The following TMEM183A variants were observed in gnomAD, a reference collection of about 807,000 sequenced individuals.
The protein encoded by TMEM183A is transmembrane protein 183A, also known as chromosome 1 open reading frame 37.
TMEM183A carries 21 observed loss-of-function variants against 46.7 expected under a neutral mutation model. The ratio of observed to expected loss-of-function variants is 0.45; its 90% CI spans 0.32 to 0.65. TMEM183A has a LOEUF of 0.65. Ranked by LOEUF, TMEM183A falls within the 30% of genes least tolerant of loss-of-function variation. TMEM183A has a pLI of 0.04. For missense variants in TMEM183A, 331 were observed against 481.9 expected (o/e 0.69, Z 2.93); for synonymous variants, 165 against 180.2 (o/e 0.92, Z 0.68).
intron 5 of TMEM183A, among the ~76,000 whole-genome samples, chr1:203,016,605 G>T (rs1464131081): frequency 1.3e-5 from 2 of 152,098 alleles, no homozygotes; most frequent in African/African-American, 4.8e-5. Flanking sequence ...AAGGATTCTG[G>T]TGTAGACTTG....
chr1:203,007,397 G>A lies in TMEM183A; in HGVS notation c.-69G>A, dbSNP rs1032545749. 19 of 1,320,988 alleles carry A rather than the reference G, an allele frequency of 1.4e-5. No homozygotes were observed. Among genetic ancestry groups the A allele is most frequent in the Non-Finnish European group, 1.7e-5 (18 of 1,030,618 alleles). The allele number at this position is 1,320,988 out of a possible 1,614,324, so 81.8% of individuals were successfully genotyped here. On this transcript the variant is annotated 5_prime_UTR_variant, in exon 1 of 8. In the 5' UTR this introduces an upstream ATG that the reference lacks. Transcript: ENST00000367242. ...TTCTCGCGAGAGTTAGCGGCCTCCG[G>A]TGTGGGATGGCCGCGGAGCCGGGCG...
chr1:203,017,842 A>G (rs1657313099), intron 5 of TMEM183A: 1 of 985,970 alleles, frequency 1.0e-6, no homozygotes, highest in Non-Finnish European at 1.2e-6. Context: ...ATTTTGATGG[A>G]ACAGCAGGAC....
intron 5 of TMEM183A, 137 bp downstream of exon 5, chr1:203,016,277 C>A: frequency 7.9e-7 from 1 of 1,263,268 alleles, no homozygotes; most frequent in South Asian, 1.3e-5. Flanking sequence ...AACTTCAGGG[C>A]TCAGAGATTT....
chr1:203,010,615 C>G (rs1410274209), intron 3 of TMEM183A, among the ~76,000 whole-genome samples: 1 of 152,198 alleles, frequency 6.6e-6, no homozygotes, highest in Non-Finnish European at 1.5e-5. Flanking sequence ...TAATTTTTCA[C>G]TTGAAATCGC....
intron 6 of TMEM183A, among the ~76,000 whole-genome samples, chr1:203,019,899 A>C (rs57850884): frequency 0.017 from 2,660 of 152,134 alleles, 75 homozygotes; most frequent in African/African-American, 0.062. Context: ...TCTTATGTGG[A>C]ATTATGAGCA....
intron 3 of TMEM183A, 88 bp from the exon 4 acceptor site, chr1:203,014,801 G>C: frequency 6.5e-7 from 1 of 1,532,280 alleles, no homozygotes; most frequent in South Asian, 1.2e-5. Context: ...TTTCTTAACT[G>C]TGCAATCAAT....
In TMEM183A at chr1:203,014,789, A is replaced by G. The variant is rs529098154; in HGVS notation, c.368-100A>G. ...GGTTTCCTTGGACCTATTTAAAACC[A>G]TTTTCTTAACTGTGCAATCAATCCT... On this transcript the variant is annotated intron_variant, in intron 3 of 7. Transcript: ENST00000367242. 37 of 1,492,220 alleles carry G rather than the reference A, an allele frequency of 2.5e-5. 2 individuals are homozygous for G. The South Asian group carries it at 5.0e-4, about 20-fold the overall frequency. 92.4% of individuals were successfully genotyped at this position (1,492,220 alleles called of 1,614,324 possible). A position where few individuals can be genotyped will look rare whatever the true frequency, so the allele number is the denominator to read the frequency against.
chr1:203,018,684 C>T (rs1310612437), intron 6 of TMEM183A, 123 bp downstream of exon 6: 14 of 1,139,102 alleles, frequency 1.2e-5, no homozygotes, highest in African/African-American at 6.3e-5. Context: ...TTAAAAAGAA[C>T]GAACTTTATT....
In TMEM183A at chr1:203,015,963, C is replaced by T. The variant is rs1467283201; in HGVS notation, c.531C>T (p.His177=). The T allele has an allele frequency of 1.2e-6, 2 of 1,613,674 alleles. No individual in the cohort carries two copies. The highest frequency in any genetic ancestry group is 1.7e-6 in the Non-Finnish European group (2 of 1,179,744). The change falls in exon 5 of 8, where the codon CAC becomes CAT. Residue 177 remains histidine (H), a synonymous_variant. Transcript: ENST00000367242. The part of the protein sequence containing the change: ...AAFWTRLYRR[H]YTLDASLPLR... Reference sequence around the variant, plus strand: ...GGAGTAATGTGTCATGTTTCAGGCACTACACGCTGGATGCTTCCCTGCCTT... The same window carrying T: ...GGAGTAATGTGTCATGTTTCAGGCATTACACGCTGGATGCTTCCCTGCCTT...
Position 203,007,422 on chromosome 1 carries a change from G to A in TMEM183A, c.-44G>A. 3 of 1,366,226 alleles carry A rather than the reference G, an allele frequency of 2.2e-6. No homozygotes were observed. The highest frequency in any genetic ancestry group is 2.8e-6 in the Non-Finnish European group (3 of 1,058,466). 84.6% of individuals were successfully genotyped at this position (1,366,226 alleles called of 1,614,324 possible). ...GTGTGGGATGGCCGCGGAGCCGGGC[G>A]GAGCTGGCTTGCGGCTCCCGGGGCC... is the stretch of plus-strand genomic sequence containing the variant. On this transcript the variant is annotated 5_prime_UTR_variant, in exon 1 of 8. Transcript: ENST00000367242.
chr1:203,016,271 T>A, intron 5 of TMEM183A, 131 bp downstream of exon 5: 1 of 1,314,928 alleles, frequency 7.6e-7, no homozygotes, highest in African/African-American at 1.5e-5. Context: ...AATGTAAACT[T>A]CAGGGCTCAG....
At chr1:203,021,025 C>CAA in intron 7 of TMEM183A, 77 bp downstream of exon 7, 2 of 1,085,248 alleles carry the variant, frequency 1.8e-6, no homozygotes, top group Non-Finnish European at 2.3e-6. Flanking sequence ...TGAACCGCAG[C>CAA]TCTTTTTTTT....
Position 203,023,873 on chromosome 1 carries a change from G to A in TMEM183A, c.*833G>A, listed in dbSNP as rs1175395429. The stretch of plus-strand genomic sequence containing the variant: ...GATGAGTCTCATTTTTCTTGTGGTA[G>A]ATGGTGGTAAAAAGGAGTAGGCAGA... On this transcript the variant is annotated 3_prime_UTR_variant, in exon 8 of 8. Coordinates refer to ENST00000367242, the MANE Select transcript of TMEM183A (RefSeq NM_138391.6). 6.6e-6 allele frequency: 1 copy of A among 152,134 alleles called. No individual in the cohort carries two copies. The highest frequency in any genetic ancestry group is 1.5e-5 in the Non-Finnish European group (1 of 68,034). 9.4% of individuals were successfully genotyped at this position (152,134 alleles called of 1,614,324 possible). A position where few individuals can be genotyped will look rare whatever the true frequency, so the allele number is the denominator to read the frequency against.
chr1:203,021,025 C>CTAT, intron 7 of TMEM183A, 77 bp downstream of exon 7: 7 of 1,085,242 alleles, frequency 6.5e-6, no homozygotes, highest in Non-Finnish European at 8.2e-6. Context: ...TGAACCGCAG[C>CTAT]TCTTTTTTTT....
intron 3 of TMEM183A, among the ~76,000 whole-genome samples, chr1:203,010,875 TG>T (rs1243410078): frequency 6.6e-6 from 1 of 152,202 alleles, no homozygotes; most frequent in Admixed American, 6.5e-5. Flanking sequence ...CTCCAGCCCT[TG>T]GAAACCACTA....
chr1:203,010,933 A>G (rs369364114), intron 3 of TMEM183A, among the ~76,000 whole-genome samples: 8 of 152,366 alleles, frequency 5.3e-5, no homozygotes, highest in African/African-American at 1.9e-4. Context: ...CATTTCATGT[A>G]AATGGAATCA....
At chr1:203,012,132 A>C (rs1656661044) in intron 3 of TMEM183A, among the ~76,000 whole-genome samples, 1 of 126,470 alleles carries the variant, frequency 7.9e-6, no homozygotes. Flanking sequence ...TACTTCAACC[A>C]TTACCCCCCA....
chr1:203,009,455 A>G (rs1347162239), intron 3 of TMEM183A, among the ~76,000 whole-genome samples: 1 of 152,186 alleles, frequency 6.6e-6, no homozygotes, highest in Admixed American at 6.6e-5. Context: ...AATGAGTCAG[A>G]ATCTCTTGGG....
At chr1:203,022,076 G>T (rs1036119861) in intron 7 of TMEM183A, among the ~76,000 whole-genome samples, 63 of 151,376 alleles carry the variant, frequency 4.2e-4, no homozygotes, top group Non-Finnish European at 8.6e-4. Context: ...GTTTTGTTTT[G>T]TTTTTTTTGA....
Sources: gnomAD v4.1 joint callset for allele counts (sites outside exome capture counted in the v4.1 genomes callset) on GRCh38, gnomAD v4.1.1 for gene constraint, MANE v1.5 for transcripts, NCBI Gene and HGNC (gene_info 2026-07-23, HGNC 2026-07-21) for gene names.